METTL15: variants seen among roughly 807,000 people sequenced by gnomAD.
METTL15 encodes the protein methyltransferase 15, mitochondrial 12S rRNA N4-cytidine, also known as 12S rRNA N(4)-cytidine methyltransferase METTL15.
In METTL15, 34 loss-of-function variants were observed where a neutral mutation model predicts 38.3. The observed-to-expected ratio is 0.89, with a 90% CI of 0.68 to 1.18. METTL15 has a LOEUF of 1.18. Among genes scored for constraint, METTL15 ranks in the 50% most tolerant of loss-of-function variants. METTL15 has a pLI of 0.00. For synonymous variants in METTL15, 162 were observed against 170.9 expected, an observed-to-expected ratio of 0.95 and a Z score of 0.41; for missense variants, 438 against 498.4, an observed-to-expected ratio of 0.88 and a Z score of 1.15.
At position 28,297,393 on chromosome 11, in the gene METTL15, C is replaced by T. The variant is rs188084448; in HGVS notation, c.778+462C>T. On this transcript the variant is annotated intron_variant, in intron 6 of 6. Transcript: ENST00000407364. The stretch of plus-strand genomic sequence containing the variant: ...TTGGGCAAAAGGAGAATTGCATTGC[C>T]CAAATGCTAAAATAAAATACAGTGA... 2.6e-5 allele frequency among the ~76,000 whole-genome samples: 4 copies of T among 152,016 alleles called. No homozygotes were observed. The East Asian group carries it at 7.7e-4, about 29-fold the overall frequency.
intron 6 of METTL15, among the ~76,000 whole-genome samples, chr11:28,313,483 G>A (rs897333457): frequency 6.6e-6 from 1 of 151,368 alleles, no homozygotes; most frequent in Non-Finnish European, 1.5e-5. Flanking sequence ...ATAAAGTACA[G>A]GATTTTTATT....
chr11:28,280,505 C>CT (rs1856012645), intron 4 of METTL15, among the ~76,000 whole-genome samples: 1 of 151,878 alleles, frequency 6.6e-6, no homozygotes, highest in African/African-American at 2.4e-5. Flanking sequence ...TGTTTATCTT[C>CT]TTTGTAGTTT....
intron 4 of METTL15, among the ~76,000 whole-genome samples, chr11:28,269,541 G>C (rs1855561571): frequency 6.6e-6 from 1 of 151,998 alleles, no homozygotes; most frequent in Non-Finnish European, 1.5e-5. Context: ...TTAACTGCAT[G>C]TTGTTGTTAT....
intron 3 of METTL15, among the ~76,000 whole-genome samples, chr11:28,119,095 C>G (rs941831085): frequency 6.6e-6 from 1 of 152,100 alleles, no homozygotes; most frequent in Non-Finnish European, 1.5e-5. Flanking sequence ...CAGGTTTTAC[C>G]TTTTTATGGG....
chr11:28,137,616 C>T (rs1465638292), intron 3 of METTL15, among the ~76,000 whole-genome samples: 1 of 152,134 alleles, frequency 6.6e-6, no homozygotes, highest in Non-Finnish European at 1.5e-5. Flanking sequence ...TTCTCAAAAG[C>T]CAAAGAAGCA....
chr11:28,256,665 G>A (rs560391730), intron 4 of METTL15, among the ~76,000 whole-genome samples: 1 of 151,800 alleles, frequency 6.6e-6, no homozygotes, highest in African/African-American at 2.4e-5. Context: ...TTATTTCATT[G>A]TTCTTTTATA....
chr11:28,149,136 T>A (rs1051647703), intron 3 of METTL15, among the ~76,000 whole-genome samples: 2 of 151,858 alleles, frequency 1.3e-5, no homozygotes, highest in African/African-American at 4.8e-5. Context: ...TTATTTCAAG[T>A]AGGAGCTTGG....
intron 3 of METTL15, among the ~76,000 whole-genome samples, chr11:28,178,168 C>T (rs1490738511): frequency 6.6e-6 from 1 of 151,804 alleles, no homozygotes; most frequent in Non-Finnish European, 1.5e-5. Flanking sequence ...GTTGTCTATT[C>T]AGGAATATGC....
At chr11:28,247,539 TGTCA>T (rs1399237413) in intron 4 of METTL15, among the ~76,000 whole-genome samples, 7 of 152,168 alleles carry the variant, frequency 4.6e-5, no homozygotes, top group African/African-American at 1.7e-4. Flanking sequence ...ATGTCATAAA[TGTCA>T]GTCAATTTGC....
chr11:28,297,077 G>A, intron 6 of METTL15, 146 bp downstream of exon 6: 1 of 822,940 alleles, frequency 1.2e-6, no homozygotes, highest in Non-Finnish European at 1.8e-6. Flanking sequence ...TGAAATCCAG[G>A]ATAGAATCTT....
At chr11:28,380,452 G>A (rs1243154006) in intron 5 of METTL15, among the ~76,000 whole-genome samples, 2 of 152,088 alleles carry the variant, frequency 1.3e-5, no homozygotes, top group South Asian at 4.1e-4. Flanking sequence ...TTTAATTGGA[G>A]AATTGAGTCA....
At chr11:28,351,749 G>A (rs1262728968) in intron 3 of METTL15, among the ~76,000 whole-genome samples, 4 of 152,194 alleles carry the variant, frequency 2.6e-5, no homozygotes, top group African/African-American at 4.8e-5. Context: ...GATGAAATAA[G>A]GTGTGGCAGG....
chr11:28,407,370 T>C (rs1016249551), intron 5 of METTL15, among the ~76,000 whole-genome samples: 7 of 152,098 alleles, frequency 4.6e-5, no homozygotes, highest in Non-Finnish European at 1.5e-5. Flanking sequence ...TCAGAGTGAA[T>C]GGACAACCTG....
chr11:28,318,305 C>T (rs1318740404), intron 6 of METTL15, among the ~76,000 whole-genome samples: 1 of 151,998 alleles, frequency 6.6e-6, no homozygotes, highest in East Asian at 1.9e-4. Context: ...GATCTCTGGA[C>T]CCTTTACAGC....
At chr11:28,475,895 T>G (rs1364840667) in intron 6 of METTL15, among the ~76,000 whole-genome samples, 3 of 152,196 alleles carry the variant, frequency 2.0e-5, no homozygotes, top group African/African-American at 7.2e-5. Context: ...TTTGGGGGCC[T>G]GCCTCTCAAT....
intron 6 of METTL15, among the ~76,000 whole-genome samples, chr11:28,311,817 G>A (rs1232288233): frequency 1.3e-5 from 2 of 152,226 alleles, no homozygotes; most frequent in Admixed American, 1.3e-4. Flanking sequence ...GAGTTAGTGG[G>A]TAATTGAGTG....
At chr11:28,438,502 G>T (rs765546474) in intron 6 of METTL15, among the ~76,000 whole-genome samples, 3 of 152,042 alleles carry the variant, frequency 2.0e-5, no homozygotes, top group Non-Finnish European at 4.4e-5. Context: ...CAGTGAAGTG[G>T]TTGTCAGACT....
chr11:28,506,736 C>CTTTT lies in METTL15; in HGVS notation c.*425-19719_*425-19716dup, dbSNP rs71449180. Among the ~76,000 whole-genome samples, 12 of 111,626 alleles carry CTTTT rather than the reference C, an allele frequency of 1.1e-4. 1 individual carries two copies. Among genetic ancestry groups the CTTTT allele is most frequent in the East Asian group, 2.6e-4 (1 of 3,802 alleles). The allele number at this position is 111,626 out of a possible 152,430, so 73.2% of individuals were successfully genotyped here. ...CTGAATTGCTAATCAATCTCAGTCT[C>CTTTT]TTTTTTTTTTTTTTTTTTTTTTTTT... On this transcript the variant is annotated intron_variant and NMD_transcript_variant, in intron 6 of 7. Transcript: ENST00000532947.
At chr11:28,494,749 G>A (rs1382172697) in intron 6 of METTL15, among the ~76,000 whole-genome samples, 1 of 152,142 alleles carries the variant, frequency 6.6e-6, no homozygotes, top group Non-Finnish European at 1.5e-5. Flanking sequence ...ATAAAAGTCA[G>A]TTCCGCTGCA....
Sources: gnomAD v4.1 joint callset for allele counts (sites outside exome capture counted in the v4.1 genomes callset) on GRCh38, gnomAD v4.1.1 for gene constraint, MANE v1.5 for transcripts, NCBI Gene and HGNC (gene_info 2026-07-23, HGNC 2026-07-21) for gene names.